Variants in NRG1 observed in about 807,000 individuals in gnomAD.
The protein encoded by NRG1 is neuregulin 1, also known as pro-neuregulin-1, membrane-bound isoform.
Under a neutral mutation model 63.8 loss-of-function variants are expected in NRG1, and 18 were observed. That is an observed-to-expected ratio of 0.28 (90% confidence interval 0.19 to 0.42). NRG1 has a LOEUF of 0.42. Among genes scored for constraint, NRG1 ranks in the 10% least tolerant of loss-of-function variants. The pLI, the probability that NRG1 is intolerant of heterozygous loss-of-function variation, is 1.00. For missense variants in NRG1, 762 were observed against 814.7 expected (o/e 0.94, Z 0.79); for synonymous variants, 302 against 301.3 (o/e 1.00, Z -0.02).
chr8:31,736,162 C>T (rs547923980), intron 1 of NRG1, among the ~76,000 whole-genome samples: 10 of 152,230 alleles, frequency 6.6e-5, no homozygotes, highest in African/African-American at 9.6e-5. Flanking sequence ...TTTCTACCAC[C>T]GCCCTCAGGT....
chr8:32,763,655 A>T, intron 11 of NRG1, 93 bp from the exon 12 acceptor site: 3 of 1,274,598 alleles, frequency 2.4e-6, no homozygotes, highest in Non-Finnish European at 2.2e-6. Flanking sequence ...CTGTTCTCTG[A>T]TGATATAATA....
exon 12 of NRG1, chr8:32,763,833 A>T: frequency 6.2e-7 from 1 of 1,612,714 alleles, no homozygotes; most frequent in Non-Finnish European, 8.5e-7. Context: ...CCCTTCGGAA[A>T]TGTCTCCACC....
At chr8:31,854,320 T>C (rs1827604483) in intron 1 of NRG1, among the ~76,000 whole-genome samples, 1 of 152,364 alleles carries the variant, frequency 6.6e-6, no homozygotes, top group East Asian at 1.9e-4. Context: ...GAGATTCAAC[T>C]TCTTCCTGGT....
At chr8:31,894,681 G>T (rs1831430896) in intron 1 of NRG1, among the ~76,000 whole-genome samples, 1 of 151,742 alleles carries the variant, frequency 6.6e-6, no homozygotes, top group African/African-American at 2.4e-5. Context: ...CTCCTGAGTA[G>T]CTGGGACTAC....
intron 1 of NRG1, among the ~76,000 whole-genome samples, chr8:31,698,955 C>G (rs1466590574): frequency 6.6e-6 from 1 of 152,166 alleles, no homozygotes; most frequent in Non-Finnish European, 1.5e-5. Flanking sequence ...CCTTGAATGT[C>G]CTATAGTCCT....
intron 1 of NRG1, among the ~76,000 whole-genome samples, chr8:32,100,797 G>C: frequency 6.6e-6 from 1 of 152,190 alleles, no homozygotes; most frequent in South Asian, 2.1e-4. Context: ...CGATGTCAGA[G>C]ATGCTGCAGT....
At chr8:32,412,457 T>TAG in intron 1 of NRG1, among the ~76,000 whole-genome samples, 1 of 54,040 alleles carries the variant, frequency 1.9e-5, no homozygotes, top group African/African-American at 5.9e-5. Context: ...TATATACATA[T>TAG]ATATATATAT....
At chr8:31,848,750 T>A (rs2129608733) in intron 1 of NRG1, among the ~76,000 whole-genome samples, 1 of 152,300 alleles carries the variant, frequency 6.6e-6, no homozygotes, top group East Asian at 1.9e-4. Flanking sequence ...ATCTAATTGC[T>A]GATGATCTGT....
chr8:32,139,099 G>T (rs1053668248), intron 1 of NRG1: 1 of 152,096 alleles, frequency 6.6e-6, no homozygotes, highest in African/African-American at 2.4e-5. Context: ...TCTTCCATGC[G>T]CCTTTGACTG....
chr8:32,229,330 C>T (rs1846657720), intron 1 of NRG1, among the ~76,000 whole-genome samples: 1 of 152,128 alleles, frequency 6.6e-6, no homozygotes, highest in Non-Finnish European at 1.5e-5. Flanking sequence ...TTTACCAGGG[C>T]AGCTTTAAAT....
intron 5 of NRG1, among the ~76,000 whole-genome samples, chr8:32,708,059 G>A (rs928675390): frequency 6.6e-6 from 1 of 151,720 alleles, no homozygotes; most frequent in African/African-American, 2.4e-5. Flanking sequence ...AGTCCTAAAA[G>A]TTAAATCATC....
At chr8:31,835,811 A>G (rs1213466687) in intron 1 of NRG1, among the ~76,000 whole-genome samples, 1 of 152,210 alleles carries the variant, frequency 6.6e-6, no homozygotes, top group African/African-American at 2.4e-5. Flanking sequence ...CTCAGTTTAT[A>G]GAGTCTGCTA....
At chr8:32,316,206 G>A (rs1020362599) in intron 1 of NRG1, among the ~76,000 whole-genome samples, 3 of 152,156 alleles carry the variant, frequency 2.0e-5, no homozygotes, top group Admixed American at 6.5e-5. Context: ...GACCGGGCGC[G>A]GTGGCTCACG....
intron 1 of NRG1, among the ~76,000 whole-genome samples, chr8:32,040,750 C>CATATATGTGTATAT (rs1819864113): frequency 2.1e-5 from 1 of 48,684 alleles, no homozygotes. Flanking sequence ...AATTTAGGCG[C>CATATATGTGTATAT]ATATATATAT....
At chr8:32,333,525 T>C (rs1370983280) in intron 1 of NRG1, among the ~76,000 whole-genome samples, 2 of 152,184 alleles carry the variant, frequency 1.3e-5, no homozygotes, top group Non-Finnish European at 2.9e-5. Flanking sequence ...TAAATTAGTT[T>C]TTTCTTAATT....
At chr8:31,854,808 T>G (rs1379489663) in intron 1 of NRG1, among the ~76,000 whole-genome samples, 23 of 152,256 alleles carry the variant, frequency 1.5e-4, no homozygotes, top group South Asian at 1.5e-3. Flanking sequence ...TCTGGTATGT[T>G]GTGTCTTTGT....
intron 1 of NRG1, among the ~76,000 whole-genome samples, chr8:31,842,376 T>C (rs1477786567): frequency 6.6e-6 from 1 of 152,230 alleles, no homozygotes; most frequent in Non-Finnish European, 1.5e-5. Context: ...GTTTGTTTTC[T>C]CCATACTTGG....
At chr8:31,938,739 AG>A (rs530966130) in intron 1 of NRG1, among the ~76,000 whole-genome samples, 94 of 152,342 alleles carry the variant, frequency 6.2e-4, no homozygotes, top group African/African-American at 2.2e-3. Flanking sequence ...CTGGAAATCA[AG>A]GACACACTTA....
chr8:32,201,829 G>A (rs1457567939), intron 1 of NRG1, among the ~76,000 whole-genome samples: 1 of 152,152 alleles, frequency 6.6e-6, no homozygotes, highest in Non-Finnish European at 1.5e-5. Context: ...TCCAAGAAGT[G>A]CCAACACAAC....
Sources: gnomAD v4.1 joint callset for allele counts (sites outside exome capture counted in the v4.1 genomes callset) on GRCh38, gnomAD v4.1.1 for gene constraint, MANE v1.5 for transcripts, NCBI Gene and HGNC (gene_info 2026-07-23, HGNC 2026-07-21) for gene names.